The following CDH4 variants were observed in gnomAD, a reference collection of about 807,000 sequenced individuals.
CDH4 encodes cadherin 4, also known as cadherin-4.
Under a neutral mutation model 86.0 loss-of-function variants are expected in CDH4, and 33 were observed. The ratio of observed to expected loss-of-function variants is 0.38; its 90% CI spans 0.29 to 0.51. CDH4 has a LOEUF of 0.51. Among genes scored for constraint, CDH4 ranks in the 20% least tolerant of loss-of-function variants. CDH4 has a pLI of 0.86. For missense variants in CDH4, 1,114 were observed against 1,307.4 expected, an observed-to-expected ratio of 0.85 and a Z score of 2.28; for synonymous variants, 555 against 549.4, an observed-to-expected ratio of 1.01 and a Z score of -0.14.
rs1004159458 is a variant in CDH4, at chr20:61,578,779, C to A, written c.170-164784C>A. 2.0e-5 allele frequency among the ~76,000 whole-genome samples: 3 copies of A among 152,316 alleles called. No individual in the cohort carries two copies. The South Asian group carries it at 6.2e-4, about 32-fold the overall frequency. On this transcript the variant is annotated intron_variant, in intron 2 of 15. Coordinates refer to ENST00000614565, the MANE Select transcript of CDH4 (RefSeq NM_001794.5). Reference sequence around the variant, plus strand: ...ACATCACTAAAAATATTGCTTCTCTCATCCGGTCCATTCTGCCTTACATCA... The same window carrying A: ...ACATCACTAAAAATATTGCTTCTCTAATCCGGTCCATTCTGCCTTACATCA...
chr20:61,777,482 G>A (rs529358615), intron 4 of CDH4, among the ~76,000 whole-genome samples: 1 of 152,380 alleles, frequency 6.6e-6, no homozygotes, highest in East Asian at 1.9e-4. Context: ...CGAGCTTAAT[G>A]CCAGGAAAGA....
At chr20:61,405,106 T>A (rs2085074048) in intron 2 of CDH4, among the ~76,000 whole-genome samples, 1 of 152,126 alleles carries the variant, frequency 6.6e-6, no homozygotes, top group African/African-American at 2.4e-5. Flanking sequence ...TCTAAATGAG[T>A]CTTTGAGGCT....
Position 61,480,048 on chromosome 20 carries a change from G to T in CDH4, c.169+225111G>T, listed in dbSNP as rs1311271034. ...AGAAGTCTGATTCGGGACATCTTTT[G>T]TGTCTTGATCTGTCGATGTTTTCTT... On this transcript the variant is annotated intron_variant, in intron 2 of 15. Coordinates refer to ENST00000614565, the MANE Select transcript of CDH4 (RefSeq NM_001794.5). This position sits in a 1 kb window ranked among gnomAD's most constrained non-coding sequence, Gnocchi z 5.2. 6.6e-6 allele frequency among the ~76,000 whole-genome samples: 1 copy of T among 152,140 alleles called. No homozygotes were observed. Among genetic ancestry groups the T allele is most frequent in the Admixed American group, 6.5e-5 (1 of 15,286 alleles).
chr20:61,697,078 T>G (rs2087722128), intron 2 of CDH4, among the ~76,000 whole-genome samples: 1 of 152,164 alleles, frequency 6.6e-6, no homozygotes, highest in Non-Finnish European at 1.5e-5. Flanking sequence ...CACCTTGATC[T>G]CAGACTTCTG....
chr20:61,302,401 A>G (rs973999160), intron 2 of CDH4, among the ~76,000 whole-genome samples: 2 of 152,254 alleles, frequency 1.3e-5, no homozygotes, highest in African/African-American at 4.8e-5. Context: ...CAAAGTGATG[A>G]ACAAGCTTAA....
chr20:61,682,663 A>G (rs1191899196), intron 2 of CDH4, among the ~76,000 whole-genome samples: 4 of 152,094 alleles, frequency 2.6e-5, no homozygotes, highest in Admixed American at 1.3e-4. Flanking sequence ...TGATAAAGCA[A>G]TTACTGGAGG....
intron 4 of CDH4, among the ~76,000 whole-genome samples, chr20:61,828,570 G>A (rs977656454): frequency 2.6e-5 from 4 of 152,176 alleles, no homozygotes; most frequent in African/African-American, 4.8e-5. Context: ...CTTCGGAATC[G>A]ACTTCTTGCT....
chr20:61,465,101 G>A (rs1214603549), intron 2 of CDH4, among the ~76,000 whole-genome samples: 1 of 152,190 alleles, frequency 6.6e-6, no homozygotes, highest in Non-Finnish European at 1.5e-5. Context: ...CGTCCACAGG[G>A]ACTTTGATCT....
At chr20:61,531,472 CAAAAAAAAAAA>C (rs956436259) in intron 2 of CDH4, among the ~76,000 whole-genome samples, 1 of 44,100 alleles carries the variant, frequency 2.3e-5, no homozygotes, top group South Asian at 8.4e-4. Context: ...GACTGCATCT[CAAAAAAAAAAA>C]AAAAAAAAAA....
At chr20:61,616,519 G>A (rs1266365498) in intron 2 of CDH4, among the ~76,000 whole-genome samples, 3 of 152,202 alleles carry the variant, frequency 2.0e-5, no homozygotes, top group African/African-American at 4.8e-5. Flanking sequence ...TGCCAGGCAG[G>A]TTAGTGGGGT....
At position 61,525,849 on chromosome 20, in the gene CDH4, C is replaced by G. The variant is rs1026186002; in HGVS notation, c.170-217714C>G. On this transcript the variant is annotated intron_variant, in intron 2 of 15. Coordinates refer to ENST00000614565, the MANE Select transcript of CDH4 (RefSeq NM_001794.5). ...AGTCTCCCAGCTGCTGTGGCCGGGCCGGGCACCGTAAGTCCTGCTCATAGC... is the reference window on the plus strand; with the variant it reads ...AGTCTCCCAGCTGCTGTGGCCGGGCGGGGCACCGTAAGTCCTGCTCATAGC... Among the ~76,000 whole-genome samples the G allele has an allele frequency of 2.6e-5, 4 of 152,224 alleles. No homozygotes were observed. In the South Asian group the frequency reaches 8.3e-4, roughly 32 times the overall value.
chr20:61,325,861 T>C (rs567360556), intron 2 of CDH4, among the ~76,000 whole-genome samples: 112 of 152,322 alleles, frequency 7.4e-4, no homozygotes, highest in African/African-American at 2.6e-3. Context: ...CCATGTGTGC[T>C]TCTTGCCACG....
At chr20:61,564,495 CTG>C (rs2086247734) in intron 2 of CDH4, among the ~76,000 whole-genome samples, 1 of 152,064 alleles carries the variant, frequency 6.6e-6, no homozygotes, top group Non-Finnish European at 1.5e-5. Context: ...GTTTAAAAGA[CTG>C]TGGCACCTCC....
chr20:61,700,553 G>A (rs1022294398), intron 2 of CDH4, among the ~76,000 whole-genome samples: 2 of 152,200 alleles, frequency 1.3e-5, no homozygotes, highest in Non-Finnish European at 2.9e-5. Context: ...CCCAGCAAGG[G>A]ACCCGCTGTG....
chr20:61,857,262 C>G (rs1377335193), intron 6 of CDH4, among the ~76,000 whole-genome samples: 2 of 152,212 alleles, frequency 1.3e-5, no homozygotes, highest in African/African-American at 2.4e-5. Flanking sequence ...TAAGACGGGG[C>G]TCCAGGAAGT....
intron 2 of CDH4, among the ~76,000 whole-genome samples, chr20:61,371,476 C>T (rs2084840027): frequency 6.6e-6 from 1 of 152,234 alleles, no homozygotes; most frequent in African/African-American, 2.4e-5. Context: ...GCTCTCAGTG[C>T]CATCGGGAAA....
chr20:61,265,318 G>A (rs2084152068), intron 2 of CDH4, among the ~76,000 whole-genome samples: 1 of 148,796 alleles, frequency 6.7e-6, no homozygotes, highest in Non-Finnish European at 1.5e-5. Flanking sequence ...ACATACCCCA[G>A]TGGCTCCTTC....
At chr20:61,679,255 G>T (rs1044314439) in intron 2 of CDH4, among the ~76,000 whole-genome samples, 2 of 152,062 alleles carry the variant, frequency 1.3e-5, no homozygotes, top group African/African-American at 4.8e-5. Context: ...CTGTGTCCTC[G>T]TCTCTCTTAC....
At chr20:61,737,778 C>T (rs2088282489) in intron 2 of CDH4, among the ~76,000 whole-genome samples, 2 of 152,318 alleles carry the variant, frequency 1.3e-5, no homozygotes, top group South Asian at 2.1e-4. Flanking sequence ...AAGGGATCAA[C>T]ATGCTACCTT....
Sources: allele counts gnomAD v4.1 joint callset (sites outside exome capture counted in the v4.1 genomes callset), GRCh38; gene constraint gnomAD v4.1.1; non-coding constraint Gnocchi (gnomAD v3.1); transcripts MANE v1.5; gene names NCBI Gene and HGNC (gene_info 2026-07-23, HGNC 2026-07-21).